The following CUBN variants were observed in gnomAD, a reference collection of about 807,000 sequenced individuals.
CUBN encodes the protein 460 kDa receptor.
Under a neutral mutation model 405.3 loss-of-function variants are expected in CUBN, and 282 were observed. That is an observed-to-expected ratio of 0.70 (90% CI 0.63 to 0.77). CUBN has a LOEUF of 0.77. Among genes scored for constraint, CUBN ranks in the 30% least tolerant of loss-of-function variants. The probability of loss-of-function intolerance (pLI) is 0.00; values close to 1 mark genes in which losing one functional copy is unlikely to be tolerated. For synonymous variants in CUBN, 1,684 were observed against 1,617.0 expected (o/e 1.04, Z -0.99); for missense variants, 4,514 against 4,475.2 (o/e 1.01, Z -0.25).
At chr10:17,127,709 T>A in intron 3 of CUBN, 120 bp downstream of exon 3, 1 of 674,298 alleles carries the variant, frequency 1.5e-6, no homozygotes, top group South Asian at 1.8e-5. Flanking sequence ...AAACAGTGAG[T>A]AGTTACATGC....
chr10:17,059,148 A>G (rs994894504), intron 22 of CUBN, among the ~76,000 whole-genome samples: 21 of 152,116 alleles, frequency 1.4e-4, no homozygotes, highest in African/African-American at 5.1e-4. Flanking sequence ...AGAAATGAAA[A>G]AACATACAAA....
At chr10:16,887,259 A>T (rs1027121414) in intron 56 of CUBN, among the ~76,000 whole-genome samples, 105 of 152,358 alleles carry the variant, frequency 6.9e-4, no homozygotes, top group African/African-American at 2.5e-3. Context: ...ATTAAAAGCT[A>T]TGTTAACATG....
chr10:16,864,657 CTTTT>C (rs58100254), intron 59 of CUBN, among the ~76,000 whole-genome samples: 1 of 121,450 alleles, frequency 8.2e-6, no homozygotes, highest in Admixed American at 1.1e-4. Flanking sequence ...TTTTTTCTTT[CTTTT>C]TTTTTTTTTT....
intron 57 of CUBN, among the ~76,000 whole-genome samples, chr10:16,875,160 C>A (rs1356088763): frequency 6.6e-6 from 1 of 151,876 alleles, no homozygotes; most frequent in African/African-American, 2.4e-5. Flanking sequence ...GGAGGCCAGG[C>A]CCGTTCCTCT....
At chr10:17,112,110 A>T (rs1248723229) in intron 8 of CUBN, among the ~76,000 whole-genome samples, 1 of 152,228 alleles carries the variant, frequency 6.6e-6, no homozygotes, top group African/African-American at 2.4e-5. Context: ...TTCCCATTGT[A>T]TTCAATGGTT....
At chr10:17,042,041 A>C (rs1835032215) in intron 26 of CUBN, among the ~76,000 whole-genome samples, 1 of 152,138 alleles carries the variant, frequency 6.6e-6, no homozygotes, top group Non-Finnish European at 1.5e-5. Flanking sequence ...CATTATATGG[A>C]ATGAGCTGTC....
intron 6 of CUBN, among the ~76,000 whole-genome samples, chr10:17,118,643 G>A (rs1204387802): frequency 6.6e-6 from 1 of 152,092 alleles, no homozygotes; most frequent in Non-Finnish European, 1.5e-5. Context: ...CACCATGTTA[G>A]CAAGGCTGGT....
intron 13 of CUBN, among the ~76,000 whole-genome samples, chr10:17,100,766 C>T (rs922980947): frequency 3.3e-5 from 5 of 152,128 alleles, no homozygotes; most frequent in South Asian, 2.1e-4. Flanking sequence ...CAGGTGTGGG[C>T]GGAGTAGGCG....
rs1189695066 is a variant in CUBN at position 16,963,187 on chromosome 10, C to CTTTTTTTTTTTTTTTTTTTTTTTTTTT, written c.4696-8640_4696-8639insAAAAAAAAAAAAAAAAAAAAAAAAAAA. The stretch of plus-strand genomic sequence containing the variant: ...ATACATTTCTTTTTTCTTTTCTTTT[C>CTTTTTTTTTTTTTTTTTTTTTTTTTTT]TTTTTTTTCTTTTTTTTTTTTTTTT... On this transcript the variant is annotated intron_variant, in intron 31 of 66. Coordinates refer to ENST00000377833, the MANE Select transcript of CUBN (RefSeq NM_001081.4). 2.4e-4 allele frequency among the ~76,000 whole-genome samples: 20 copies of CTTTTTTTTTTTTTTTTTTTTTTTTTTT among 84,382 alleles called. 5 individuals are homozygous for CTTTTTTTTTTTTTTTTTTTTTTTTTTT. The highest frequency in any genetic ancestry group is 4.0e-4 in the Non-Finnish European group (18 of 44,710). The allele number at this position is 84,382 out of a possible 152,430, so 55.4% of individuals were successfully genotyped here. A position where few individuals can be genotyped will look rare whatever the true frequency, so the allele number is the denominator to read the frequency against.
At chr10:16,958,203 C>G (rs1331131828) in intron 31 of CUBN, among the ~76,000 whole-genome samples, 1 of 152,166 alleles carries the variant, frequency 6.6e-6, no homozygotes, top group Non-Finnish European at 1.5e-5. Flanking sequence ...TACAGACTTC[C>G]CAGCTATTTC....
At chr10:16,952,177 C>G in intron 33 of CUBN, 99 bp downstream of exon 33, 1 of 831,204 alleles carries the variant, frequency 1.2e-6, no homozygotes, top group South Asian at 1.4e-5. Flanking sequence ...GGAAGGCCAT[C>G]GATTGTTAGC....
At chr10:16,864,878 G>A (rs141681999) in intron 59 of CUBN, among the ~76,000 whole-genome samples, 6,231 of 143,794 alleles carry the variant, frequency 0.043, 186 homozygotes, top group Non-Finnish European at 0.066. Context: ...TCGAACTCCC[G>A]ACCTCAGGTG....
chr10:16,897,977 G>T (rs10904833), intron 54 of CUBN, among the ~76,000 whole-genome samples: 57,989 of 151,576 alleles, frequency 0.38, 12,448 homozygotes, highest in Middle Eastern at 0.54. Context: ...CTGAATACTT[G>T]ATATTGATTC....
chr10:17,084,755 A>G (rs760449073), intron 16 of CUBN, among the ~76,000 whole-genome samples: 3 of 152,214 alleles, frequency 2.0e-5, no homozygotes, highest in Non-Finnish European at 2.9e-5. Context: ...CTTCATTTCA[A>G]TAAGATTTGA....
chr10:16,949,924 G>T, intron 34 of CUBN, 77 bp downstream of exon 34: 1 of 1,044,576 alleles, frequency 9.6e-7, no homozygotes, highest in Non-Finnish European at 1.5e-6. Flanking sequence ...AACCTAGAAT[G>T]GCAGCCTATA....
intron 31 of CUBN, among the ~76,000 whole-genome samples, chr10:16,967,235 A>G (rs946661978): frequency 4.3e-4 from 66 of 152,182 alleles, no homozygotes; most frequent in African/African-American, 1.6e-3. Context: ...GTTCACCCCT[A>G]TTTCTTTGTT....
intron 36 of CUBN, among the ~76,000 whole-genome samples, chr10:16,944,220 C>A (rs1255623965): frequency 1.3e-5 from 2 of 152,168 alleles, no homozygotes; most frequent in African/African-American, 4.8e-5. Flanking sequence ...ATTTTAGAGA[C>A]AACTGCATGT....
intron 50 of CUBN, among the ~76,000 whole-genome samples, chr10:16,904,408 T>C (rs1405421669): frequency 6.6e-6 from 1 of 152,232 alleles, no homozygotes; most frequent in Non-Finnish European, 1.5e-5. Context: ...TAAACAGAGA[T>C]ACAATGAATT....
chr10:17,088,623 C>T (rs569850721), intron 14 of CUBN, among the ~76,000 whole-genome samples: 43 of 152,262 alleles, frequency 2.8e-4, no homozygotes, highest in African/African-American at 7.9e-4. Flanking sequence ...ACCATCTGAG[C>T]GATGAATACC....
Sources: gnomAD v4.1 joint callset for allele counts (sites outside exome capture counted in the v4.1 genomes callset) on GRCh38, gnomAD v4.1.1 for gene constraint, MANE v1.5 for transcripts, NCBI Gene and HGNC (gene_info 2026-07-23, HGNC 2026-07-21) for gene names.